Variants in NBPF26 observed in about 807,000 individuals in gnomAD.
The protein encoded by NBPF26 is NBPF family member NBPF26.
NBPF26 carries 79 observed loss-of-function variants against 119.6 expected under a neutral mutation model. The observed-to-expected ratio is 0.66, with a 90% CI of 0.55 to 0.80. The LOEUF (loss-of-function observed/expected upper bound fraction) is 0.80. Among genes scored for constraint, NBPF26 ranks in the 30% least tolerant of loss-of-function variants. NBPF26 has a pLI of 0.00. For missense variants in NBPF26, 800 were observed against 1,198.2 expected, an observed-to-expected ratio of 0.67 and a Z score of 4.91; for synonymous variants, 299 against 457.7, an observed-to-expected ratio of 0.65 and a Z score of 4.43.
intron 3 of NBPF26, 116 bp downstream of exon 3, chr1:120,785,349 A>C: frequency 1.5e-6 from 1 of 674,866 alleles, no homozygotes; most frequent in East Asian, 2.7e-5. Flanking sequence ...TGCACATTTA[A>C]CATTATGATA....
intron 1 of NBPF26, among the ~76,000 whole-genome samples, chr1:120,733,113 T>TTATA (rs1257251313): frequency 1.1e-4 from 9 of 85,042 alleles, no homozygotes; most frequent in East Asian, 8.0e-4. Context: ...TGATTTATTT[T>TTATA]TATATATATA....
In NBPF26 at chr1:120,724,252, T is replaced by G. The variant is rs1650788918; in HGVS notation, c.73+2T>G. On this transcript the variant is annotated splice_donor_variant, in intron 1 of 29. Transcript: ENST00000620612. LOFTEE classifies it high-confidence loss of function. ...TGTGCTGGGCGGCCCCCGCGCATGG[T>G]GAGTATCGGGCTGAGGGGCGCTGTC... The G allele has an allele frequency of 2.1e-6, 3 of 1,398,838 alleles. No individual in the cohort carries two copies. Among genetic ancestry groups the G allele is most frequent in the South Asian group, 1.3e-5 (1 of 79,050 alleles). The allele number at this position is 1,398,838 out of a possible 1,614,324, so 86.7% of individuals were successfully genotyped here.
intron 8 of NBPF26, 52 bp downstream of exon 8, chr1:120,809,935 C>T (rs2101503707): frequency 1.3e-6 from 2 of 1,535,974 alleles, no homozygotes; most frequent in East Asian, 2.2e-5. Flanking sequence ...ATGAAAATGT[C>T]TAGGAGGCAC....
rs1312468019 is a variant in NBPF26, at chr1:120,822,109, T to C, written c.2429T>C (p.Leu810Pro). 4.2e-6 allele frequency: 6 copies of C among 1,443,104 alleles called. No individual in the cohort carries two copies. In the East Asian group the frequency reaches 1.4e-4, roughly 33 times the overall value. The allele number at this position is 1,443,104 out of a possible 1,614,324, so 89.4% of individuals were successfully genotyped here. ...TGTCCTGCCTGGCTCATCAGGAATCTGCAGGAGTCTGAAGAGGAGGAAGTC... is the reference window on the plus strand; with the variant it reads ...TGTCCTGCCTGGCTCATCAGGAATCCGCAGGAGTCTGAAGAGGAGGAAGTC... Residue 810 changes from leucine to proline, a missense_variant, in exon 16 of 30, where the codon CTG becomes CCG. Transcript: ENST00000620612.
At position 120,811,417 on chromosome 1, in the gene NBPF26, C is replaced by T. The variant is rs1215636164; in HGVS notation, c.1565-469C>T. On this transcript the variant is annotated intron_variant, in intron 9 of 29. Transcript: ENST00000620612. Reference sequence around the variant, plus strand: ...AAAAATTAGCTGGCATGTTACTTGGCGCTTGTAATCCCAGATGCTTGGCAG... The same window carrying T: ...AAAAATTAGCTGGCATGTTACTTGGTGCTTGTAATCCCAGATGCTTGGCAG... Among the ~76,000 whole-genome samples the T allele has an allele frequency of 5.6e-5, 6 of 106,604 alleles. 1 individual carries two copies. The highest frequency in any genetic ancestry group is 3.6e-3 in the Middle Eastern group (1 of 274). 69.9% of individuals were successfully genotyped at this position (106,604 alleles called of 152,430 possible).
chr1:120,805,683 C>T, exon 5 of NBPF26: 1 of 1,458,738 alleles, frequency 6.9e-7, no homozygotes, highest in Non-Finnish European at 9.3e-7. Context: ...TGCCAGAGAA[C>T]AAACAGCAGT....
rs1189931535 is a variant in NBPF26, at chr1:120,793,571, C to T, written c.751+75C>T. On this transcript the variant is annotated intron_variant, in intron 4 of 29. Coordinates refer to ENST00000620612, the Ensembl canonical transcript of NBPF26. The stretch of plus-strand genomic sequence containing the variant: ...GGAGGTAGTGGGTGTGGCTCAATTG[C>T]ATTTTTTAGGAAGCGCAAGGAAAAA... The T allele has an allele frequency of 4.0e-3, 4,376 of 1,097,746 alleles. 785 individuals are homozygous for T. Among genetic ancestry groups the T allele is most frequent in the Non-Finnish European group, 4.3e-3 (3,370 of 780,106 alleles). The allele number at this position is 1,097,746 out of a possible 1,614,324, so 68.0% of individuals were successfully genotyped here. A position where few individuals can be genotyped will look rare whatever the true frequency, so the allele number is the denominator to read the frequency against.
At chr1:120,764,182 G>A (rs1368933003) in intron 2 of NBPF26, among the ~76,000 whole-genome samples, 1 of 114,626 alleles carries the variant, frequency 8.7e-6, no homozygotes, top group Non-Finnish European at 1.7e-5. Flanking sequence ...AGGAGGCGGA[G>A]GTTGCAGTGA....
At chr1:120,777,733 C>CT (rs1231073924) in intron 2 of NBPF26, among the ~76,000 whole-genome samples, 4 of 89,792 alleles carry the variant, frequency 4.5e-5, no homozygotes, top group Non-Finnish European at 8.0e-5. Flanking sequence ...AGCTTCTTCT[C>CT]TTTTTTTCCC....
chr1:120,809,660 A>G (rs1346827569), intron 7 of NBPF26, among the ~76,000 whole-genome samples, 151 bp from the exon 8 acceptor site: 2 of 149,426 alleles, frequency 1.3e-5, no homozygotes, highest in Non-Finnish European at 3.0e-5. Context: ...GCAGGAAACC[A>G]TGCCAGGGCA....
At chr1:120,817,461 C>T (rs1299433393) in intron 14 of NBPF26, among the ~76,000 whole-genome samples, 1 of 36,104 alleles carries the variant, frequency 2.8e-5, no homozygotes, top group Non-Finnish European at 4.1e-5. Flanking sequence ...TGGAGTCTTG[C>T]TCTGTCACCC....
intron 9 of NBPF26, among the ~76,000 whole-genome samples, 162 bp downstream of exon 9, chr1:120,810,720 C>T (rs1651840856): frequency 8.8e-6 from 1 of 113,462 alleles, no homozygotes; most frequent in Admixed American, 8.2e-5. Context: ...TTGGAAGGCC[C>T]AAGTGGGACG....
In NBPF26 at chr1:120,832,660, C is replaced by A. The variant is rs1178788628; in HGVS notation, c.3263-215C>A. Among the ~76,000 whole-genome samples, 2 of 121,246 alleles carry A rather than the reference C, an allele frequency of 1.6e-5. 1 individual carries two copies. Among genetic ancestry groups the A allele is most frequent in the Non-Finnish European group, 3.2e-5 (2 of 62,076 alleles). The allele number at this position is 121,246 out of a possible 152,430, so 79.5% of individuals were successfully genotyped here. ...GGACAAATGATATTGGGATAACGAT[C>A]TACTAGAATAGGGACACTTTACCCA... On this transcript the variant is annotated intron_variant, in intron 22 of 29. Transcript: ENST00000620612.
chr1:120,824,134 G>T, exon 18 of NBPF26: 1 of 450,460 alleles, frequency 2.2e-6, no homozygotes. Flanking sequence ...TGGCTTGGCT[G>T]TTGACATGGA....
intron 2 of NBPF26, among the ~76,000 whole-genome samples, chr1:120,780,075 A>G (rs1328550836): frequency 7.8e-6 from 1 of 128,434 alleles, no homozygotes; most frequent in Non-Finnish European, 1.6e-5. Flanking sequence ...ATTTGGATTG[A>G]GAGACTGACT....
intron 21 of NBPF26, among the ~76,000 whole-genome samples, chr1:120,831,690 C>A: frequency 9.9e-5 from 1 of 10,116 alleles, no homozygotes; most frequent in South Asian, 2.8e-3. Context: ...TCAGAGTGTC[C>A]TGTTACTCCC....
chr1:120,833,365 TTCTCTCTGTCTCTG>T (rs1367003305), intron 23 of NBPF26, among the ~76,000 whole-genome samples: 13 of 33,502 alleles, frequency 3.9e-4, no homozygotes, highest in South Asian at 3.7e-3. Context: ...CTAGGTCACT[TTCTCTCTGTCTCTG>T]TCTCTCTCTC....
Position 120,840,312 on chromosome 1 carries a change from T to C in NBPF26, c.4104-38T>C, listed in dbSNP as rs1652484879. The C allele has an allele frequency of 4.8e-6, 7 of 1,444,628 alleles. 1 individual carries two copies. The highest frequency in any genetic ancestry group is 6.5e-6 in the Non-Finnish European group (7 of 1,082,658). 89.5% of individuals were successfully genotyped at this position (1,444,628 alleles called of 1,614,324 possible). On this transcript the variant is annotated intron_variant, in intron 29 of 29. Coordinates refer to ENST00000620612, the Ensembl canonical transcript of NBPF26. ...TAGTGGGGCTCTGTGGTGTCCGATTTTCCCTGGCTGCTTCTTTAGTTTTGT... is the reference window on the plus strand; with the variant it reads ...TAGTGGGGCTCTGTGGTGTCCGATTCTCCCTGGCTGCTTCTTTAGTTTTGT...
At chr1:120,817,455 G>C (rs1268136935) in intron 14 of NBPF26, among the ~76,000 whole-genome samples, 1 of 33,086 alleles carries the variant, frequency 3.0e-5, no homozygotes, top group Non-Finnish European at 4.5e-5. Context: ...TTGCGATGGA[G>C]TCTTGCTCTG....
Sources: allele counts gnomAD v4.1 joint callset (sites outside exome capture counted in the v4.1 genomes callset), GRCh38; gene constraint gnomAD v4.1.1; transcripts MANE v1.5; gene names NCBI Gene and HGNC (gene_info 2026-07-23, HGNC 2026-07-21).